The following STS variants were observed in gnomAD, a reference collection of about 807,000 sequenced individuals.
The protein encoded by STS is steroid sulfatase.
A neutral mutation model predicts 26.8 loss-of-function variants in STS; 7 were observed. The observed-to-expected ratio is 0.26, with a 90% CI of 0.15 to 0.49. STS has a LOEUF of 0.49. Ranked by LOEUF, STS falls within the 20% of genes least tolerant of loss-of-function variation. The pLI, the probability that STS is intolerant of heterozygous loss-of-function variation, is 0.98. For missense variants in STS, 434 were observed against 465.6 expected (o/e 0.93, Z 0.63); for synonymous variants, 199 against 189.4 (o/e 1.05, Z -0.42).
chrX:7,323,676 G>A (rs1927186415), intron 8 of STS, among the ~76,000 whole-genome samples: 1 of 111,849 alleles, frequency 8.9e-6, no homozygotes, highest in East Asian at 2.8e-4. Context: ...GTGCAGCAAT[G>A]AACATACAGG....
intron 2 of STS, among the ~76,000 whole-genome samples, chrX:7,223,255 G>GT (rs1282457978): frequency 8.9e-6 from 1 of 111,817 alleles, no homozygotes; most frequent in Non-Finnish European, 1.9e-5. Flanking sequence ...TTCCCTTTGG[G>GT]TTCATACCCG....
At chrX:7,157,182 C>G (rs1331787108) in intron 1 of STS, among the ~76,000 whole-genome samples, 3 of 112,000 alleles carry the variant, frequency 2.7e-5, no homozygotes, top group Non-Finnish European at 5.6e-5. Context: ...TCTCATCCCA[C>G]TTGCCCAATT....
At chrX:7,264,752 A>G (rs1033080110) in intron 6 of STS, among the ~76,000 whole-genome samples, 6 of 111,752 alleles carry the variant, frequency 5.4e-5, no homozygotes, top group Admixed American at 9.5e-5. Flanking sequence ...GTTTCATAGG[A>G]CACTCTAAGA....
chrX:7,222,264 C>T (rs1921602057), intron 2 of STS, among the ~76,000 whole-genome samples: 1 of 111,764 alleles, frequency 8.9e-6, no homozygotes, highest in African/African-American at 3.3e-5. Context: ...AATGCAAGAA[C>T]CATTTTAATA....
intron 7 of STS, among the ~76,000 whole-genome samples, chrX:7,282,185 GGTTT>G (rs138605314): frequency 0.34 from 36,938 of 108,009 alleles, 5,071 homozygotes; most frequent in Non-Finnish European, 0.39. Flanking sequence ...AGTGGTAAAT[GGTTT>G]GTTTGTTTGT....
chrX:7,184,284 A>G (rs925598744), intron 1 of STS, among the ~76,000 whole-genome samples: 4 of 112,480 alleles, frequency 3.6e-5, no homozygotes, highest in Non-Finnish European at 7.5e-5. Flanking sequence ...TTAGGCATCA[A>G]TGCCATTTTA....
chrX:7,299,598 C>CT (rs1389066326), intron 7 of STS, among the ~76,000 whole-genome samples: 1 of 109,738 alleles, frequency 9.1e-6, no homozygotes, highest in Non-Finnish European at 1.9e-5. Flanking sequence ...AGTATTCTGT[C>CT]TGAGTGTACC....
intron 10 of STS, among the ~76,000 whole-genome samples, chrX:7,339,112 C>G (rs1448579055): frequency 1.8e-5 from 2 of 111,668 alleles, no homozygotes; most frequent in Non-Finnish European, 3.8e-5. Context: ...TAAAACACAC[C>G]TAATAAAAGA....
At chrX:7,246,213 C>T (rs959276235) in intron 2 of STS, among the ~76,000 whole-genome samples, 2 of 111,103 alleles carry the variant, frequency 1.8e-5, no homozygotes, top group East Asian at 2.8e-4. Flanking sequence ...AGCCATTGTT[C>T]GCTCTTTGTT....
intron 6 of STS, among the ~76,000 whole-genome samples, chrX:7,263,918 T>C (rs150546104): frequency 1.8e-5 from 2 of 111,903 alleles, no homozygotes; most frequent in African/African-American, 6.5e-5. Context: ...ATAGGAGATA[T>C]ACATGTACAG....
At chrX:7,206,146 A>T (rs1284732156) in intron 2 of STS, among the ~76,000 whole-genome samples, 1 of 111,930 alleles carries the variant, frequency 8.9e-6, no homozygotes, top group East Asian at 2.8e-4. Flanking sequence ...CAATACTGAG[A>T]TTCATGCCCT....
At chrX:7,148,126 TG>T in intron 1 of STS, 43 bp downstream of exon 1, 1 of 1,101,473 alleles carries the variant, frequency 9.1e-7, no homozygotes, top group African/African-American at 1.9e-5. Flanking sequence ...TGGCGCCTTC[TG>T]GGTCTGGGTG....
intron 6 of STS, among the ~76,000 whole-genome samples, chrX:7,263,303 A>T (rs764815264): frequency 8.9e-6 from 1 of 112,260 alleles, no homozygotes; most frequent in South Asian, 3.7e-4. Context: ...TCCTGACCTC[A>T]AATGATCCAC....
At chrX:7,203,305 A>G (rs1934108300) in intron 2 of STS, among the ~76,000 whole-genome samples, 1 of 110,738 alleles carries the variant, frequency 9.0e-6, no homozygotes, top group South Asian at 3.9e-4. Flanking sequence ...TTTATTAGAC[A>G]CTTACCATGT....
chrX:7,297,665 A>G (rs1241461281), intron 7 of STS, among the ~76,000 whole-genome samples: 1 of 111,910 alleles, frequency 8.9e-6, no homozygotes, highest in Non-Finnish European at 1.9e-5. Context: ...AAGATCTTGC[A>G]TTGGGTACGT....
intron 2 of STS, among the ~76,000 whole-genome samples, chrX:7,214,942 T>C (rs982285720): frequency 1.5e-4 from 14 of 94,997 alleles, no homozygotes; most frequent in East Asian, 3.2e-4. Flanking sequence ...TATATATATA[T>C]ACATATATAC....
intron 8 of STS, among the ~76,000 whole-genome samples, chrX:7,324,752 C>T (rs774706966): frequency 9.0e-6 from 1 of 111,349 alleles, no homozygotes; most frequent in South Asian, 3.8e-4. Context: ...TTTAGAATGC[C>T]CTTTGCTGAG....
intron 2 of STS, among the ~76,000 whole-genome samples, chrX:7,213,035 G>T (rs766337814): frequency 3.6e-5 from 4 of 111,593 alleles, no homozygotes; most frequent in African/African-American, 1.3e-4. Flanking sequence ...TCTCAAACTA[G>T]CCTCAAGCGA....
intron 7 of STS, among the ~76,000 whole-genome samples, chrX:7,304,526 G>A (rs1022055978): frequency 9.0e-6 from 1 of 111,230 alleles, no homozygotes; most frequent in Non-Finnish European, 1.9e-5. Context: ...TCATGTGAGG[G>A]ATAGTTTAGA....
Sources: allele counts gnomAD v4.1 joint callset (sites outside exome capture counted in the v4.1 genomes callset), GRCh38; gene constraint gnomAD v4.1.1; transcripts MANE v1.5; gene names NCBI Gene and HGNC (gene_info 2026-07-23, HGNC 2026-07-21).